Variants in AOAH observed in about 807,000 individuals in gnomAD.
AOAH encodes acyloxyacyl hydrolase.
A neutral mutation model predicts 92.2 loss-of-function variants in AOAH; 64 were observed. The observed-to-expected ratio is 0.69, with a 90% CI of 0.57 to 0.86. AOAH has a LOEUF of 0.86. Among genes scored for constraint, AOAH ranks in the 40% least tolerant of loss-of-function variants. The pLI is 0.00. For missense variants in AOAH, 656 were observed against 694.6 expected (o/e 0.94, Z 0.62); for synonymous variants, 263 against 254.5 (o/e 1.03, Z -0.32).
chr7:36,723,340 A>C (rs539188698), intron 1 of AOAH, among the ~76,000 whole-genome samples: 9 of 152,212 alleles, frequency 5.9e-5, no homozygotes, highest in South Asian at 2.1e-4. Flanking sequence ...TCATCCAAAA[A>C]AAACAAACAA....
chr7:36,701,535 T>TC (rs1798036213), intron 1 of AOAH, among the ~76,000 whole-genome samples: 1 of 151,256 alleles, frequency 6.6e-6, no homozygotes, highest in Non-Finnish European at 1.5e-5. Context: ...AGCCCCTTTT[T>TC]CATTATGAAA....
chr7:36,525,347 T>A (rs560293672), intron 19 of AOAH, among the ~76,000 whole-genome samples: 1 of 152,348 alleles, frequency 6.6e-6, no homozygotes, highest in South Asian at 2.1e-4. Context: ...TTGAGAAGAA[T>A]GTTTACTAGG....
intron 1 of AOAH, among the ~76,000 whole-genome samples, chr7:36,717,352 T>C (rs1261736753): frequency 1.3e-5 from 2 of 152,082 alleles, no homozygotes; most frequent in Non-Finnish European, 2.9e-5. Context: ...CTGGCAGCCA[T>C]CTCTGTATTT....
At chr7:36,652,510 C>T (rs1280444163) in intron 4 of AOAH, among the ~76,000 whole-genome samples, 7 of 152,152 alleles carry the variant, frequency 4.6e-5, no homozygotes, top group African/African-American at 1.7e-4. Flanking sequence ...GACTTAAAGA[C>T]TCACTTCTAA....
intron 4 of AOAH, among the ~76,000 whole-genome samples, chr7:36,653,986 A>T (rs1794728759): frequency 6.6e-6 from 1 of 152,160 alleles, no homozygotes. Flanking sequence ...TTAAAGAACC[A>T]CTGGATACAC....
At chr7:36,653,322 A>G (rs901095789) in intron 4 of AOAH, among the ~76,000 whole-genome samples, 1 of 152,228 alleles carries the variant, frequency 6.6e-6, no homozygotes, top group Non-Finnish European at 1.5e-5. Context: ...GAGACAGTCT[A>G]CTAAAAGAGA....
intron 4 of AOAH, among the ~76,000 whole-genome samples, chr7:36,658,241 T>C (rs1279614309): frequency 6.6e-6 from 1 of 152,144 alleles, no homozygotes; most frequent in Non-Finnish European, 1.5e-5. Context: ...TTTAATACTG[T>C]CCATCAGCAA....
chr7:36,590,305 G>A (rs1014904150), intron 12 of AOAH, among the ~76,000 whole-genome samples: 5 of 151,760 alleles, frequency 3.3e-5, no homozygotes, highest in Admixed American at 6.6e-5. Flanking sequence ...CCCCCACAGA[G>A]ATTTTTTTTT....
rs191792072 is a variant in AOAH, at chr7:36,724,383, A to G, written c.-235T>C. 1.1e-4 allele frequency: 44 copies of G among 399,664 alleles called. No individual in the cohort carries two copies. In the East Asian group the frequency reaches 2.4e-3, roughly 22 times the overall value. The allele number at this position is 399,664 out of a possible 1,614,324, so 24.8% of individuals were successfully genotyped here. ...TCTTGTTGGACCCTGAGAGAGCCAC[A>G]CACAAAGAGCTGGAGGGAGTCTGTG... On this transcript the variant is annotated 5_prime_UTR_variant, in exon 1 of 21. Coordinates refer to ENST00000617537, the MANE Select transcript of AOAH (RefSeq NM_001637.4).
At position 36,632,042 on chromosome 7, in the gene AOAH, A is replaced by AT. The variant is rs754953378; in HGVS notation, c.514dup (p.Ile172AsnfsTer2). ...GTAGAAATTGTATACATACAATTTA[A>AT]TTTTCTGGCAGATCTTGGCCAAAAC... On this transcript the variant is annotated frameshift_variant, in exon 6 of 21. Transcript: ENST00000617537. LOFTEE classifies it high-confidence loss of function. The AT allele has an allele frequency of 3.1e-6, 5 of 1,611,676 alleles. No individual in the cohort carries two copies.
At chr7:36,654,250 G>T (rs1012795264) in intron 4 of AOAH, among the ~76,000 whole-genome samples, 1 of 152,160 alleles carries the variant, frequency 6.6e-6, no homozygotes, top group Non-Finnish European at 1.5e-5. Flanking sequence ...TTGCAGTGAG[G>T]CCTGCAGCTA....
chr7:36,686,296 G>A (rs917970464), intron 2 of AOAH, among the ~76,000 whole-genome samples: 1 of 152,206 alleles, frequency 6.6e-6, no homozygotes, highest in Admixed American at 6.5e-5. Flanking sequence ...GTGTTGGTAG[G>A]GCTAGGTGTA....
rs1791734417 is a variant in AOAH, at chr7:36,614,723, G to A, written c.846+1657C>T. Among the ~76,000 whole-genome samples the A allele has an allele frequency of 6.6e-6, 1 of 152,242 alleles. No individual in the cohort carries two copies. The highest frequency in any genetic ancestry group is 2.1e-4 in the South Asian group (1 of 4,834). On this transcript the variant is annotated intron_variant, in intron 11 of 20. Coordinates refer to ENST00000617537, the MANE Select transcript of AOAH (RefSeq NM_001637.4). The surrounding 1 kb of genome is among the most constrained non-coding windows in gnomAD (Gnocchi z 4.2). ...CACAGGCAAGAGGAAGATTGGGGTTGGGCATGGTGGCAGCTGTCACCTGCC... is the reference window on the plus strand; with the variant it reads ...CACAGGCAAGAGGAAGATTGGGGTTAGGCATGGTGGCAGCTGTCACCTGCC...
intron 20 of AOAH, among the ~76,000 whole-genome samples, chr7:36,517,086 C>T (rs900861526): frequency 1.3e-5 from 2 of 152,188 alleles, no homozygotes; most frequent in Non-Finnish European, 2.9e-5. Flanking sequence ...CCGCAATTTC[C>T]TGTTTTAACT....
chr7:36,606,954 A>G (rs1791051575), intron 11 of AOAH, among the ~76,000 whole-genome samples: 1 of 152,220 alleles, frequency 6.6e-6, no homozygotes, highest in Non-Finnish European at 1.5e-5. Context: ...AATGAGACTC[A>G]GAACCCTTTG....
chr7:36,682,568 T>G (rs961804257), intron 2 of AOAH, among the ~76,000 whole-genome samples: 8 of 151,890 alleles, frequency 5.3e-5, no homozygotes, highest in Admixed American at 3.9e-4. Flanking sequence ...TTTCTAAACA[T>G]ATTATTTTAA....
intron 4 of AOAH, among the ~76,000 whole-genome samples, chr7:36,654,131 A>G (rs375272076): frequency 0.14 from 21,154 of 151,624 alleles, 2,007 homozygotes; most frequent in East Asian, 0.35. Flanking sequence ...GTGTGCGTAC[A>G]CACACACACA....
In AOAH at chr7:36,561,156, C is replaced by T. The variant is rs943023702; in HGVS notation, c.1022-11681G>A. 2.6e-5 allele frequency among the ~76,000 whole-genome samples: 4 copies of T among 151,858 alleles called. No homozygotes were observed. In the South Asian group the frequency reaches 6.2e-4, roughly 24 times the overall value. On this transcript the variant is annotated intron_variant, in intron 13 of 20. Transcript: ENST00000617537. ...TCCCAGGTTCAAGGGATTCTCCTGC[C>T]TCAGCCTCCCATGTAGCTGGGATTA...
chr7:36,724,153 G>T lies in AOAH; in HGVS notation c.-5C>A. ...GATTTTCCAGGGGGACTGCATCTCC[G>T]AGCTATGCACCCCAAGTGATCACCC... On this transcript the variant is annotated 5_prime_UTR_variant, in exon 1 of 21. Coordinates refer to ENST00000617537, the MANE Select transcript of AOAH (RefSeq NM_001637.4). 6.2e-7 allele frequency: 1 copy of T among 1,612,688 alleles called. No homozygotes were observed. Among genetic ancestry groups the T allele is most frequent in the Non-Finnish European group, 8.5e-7 (1 of 1,179,158 alleles).
Sources: gnomAD v4.1 joint callset for allele counts (sites outside exome capture counted in the v4.1 genomes callset) on GRCh38, gnomAD v4.1.1 for gene constraint, Gnocchi (gnomAD v3.1) non-coding constraint, MANE v1.5 for transcripts, NCBI Gene and HGNC (gene_info 2026-07-23, HGNC 2026-07-21) for gene names.